Variants in ST18 observed in about 807,000 individuals in gnomAD.
ST18 encodes suppression of tumorigenicity 18 protein.
ST18 carries 50 observed loss-of-function variants against 110.0 expected under a neutral mutation model. That is an observed-to-expected ratio of 0.45 (90% CI 0.36 to 0.58). The LOEUF (loss-of-function observed/expected upper bound fraction) is 0.58. Among genes scored for constraint, ST18 ranks in the 20% least tolerant of loss-of-function variants. The pLI, the probability that ST18 is intolerant of heterozygous loss-of-function variation, is 0.00. For synonymous variants in ST18, 461 were observed against 452.4 expected (o/e 1.02, Z -0.24); for missense variants, 1,306 against 1,280.1 (o/e 1.02, Z -0.31).
chr8:52,250,445 CAAAAAAAAA>C (rs1159770176), intron 2 of ST18, among the ~76,000 whole-genome samples: 6 of 4,270 alleles, frequency 1.4e-3, no homozygotes, highest in Admixed American at 4.0e-3. Flanking sequence ...GCCTCAAAGG[CAAAAAAAAA>C]AAAAAAAAAA....
chr8:52,267,859 C>A (rs1385271210), intron 2 of ST18, among the ~76,000 whole-genome samples: 2 of 152,188 alleles, frequency 1.3e-5, no homozygotes, highest in Admixed American at 6.5e-5. Flanking sequence ...TAGACACATT[C>A]TTTCTGGGAA....
At chr8:52,274,535 C>T (rs925638732) in intron 2 of ST18, among the ~76,000 whole-genome samples, 17 of 141,014 alleles carry the variant, frequency 1.2e-4, no homozygotes, top group Admixed American at 3.4e-4. Flanking sequence ...TTCTTTTTTT[C>T]GTTCTGTCAA....
rs150537342 is a variant in ST18 at position 52,314,469 on chromosome 8, G to A, written c.-464-84392C>T. ...AAGACATTACTGTACCTGTCCCCTTGAGAGTCATCAAAGGCACTTGCCTTA... is the reference window on the plus strand; with the variant it reads ...AAGACATTACTGTACCTGTCCCCTTAAGAGTCATCAAAGGCACTTGCCTTA... On this transcript the variant is annotated intron_variant, in intron 2 of 25. Coordinates refer to ENST00000689386, the MANE Select transcript of ST18 (RefSeq NM_001352837.2). Among the ~76,000 whole-genome samples, 917 of 152,312 alleles carry A rather than the reference G, an allele frequency of 6.0e-3. 7 individuals are homozygous for A. The highest frequency in any genetic ancestry group is 0.021 in the African/African-American group (869 of 41,566).
chr8:52,402,141 T>C (rs1590743439), intron 2 of ST18, among the ~76,000 whole-genome samples: 1 of 151,942 alleles, frequency 6.6e-6, no homozygotes, highest in African/African-American at 2.4e-5. Context: ...TTTGTTAGGG[T>C]TCTTGGCAGC....
At chr8:52,225,907 A>G (rs1262587378) in intron 3 of ST18, among the ~76,000 whole-genome samples, 1 of 152,256 alleles carries the variant, frequency 6.6e-6, no homozygotes, top group African/African-American at 2.4e-5. Context: ...AATCATAGCT[A>G]ATGCAAAAAA....
chr8:52,224,611 T>C (rs944091473), intron 3 of ST18, among the ~76,000 whole-genome samples: 1 of 152,184 alleles, frequency 6.6e-6, no homozygotes, highest in African/African-American at 2.4e-5. Context: ...CTGGAACCAC[T>C]CTGCAGGAAA....
chr8:52,130,119 A>AAGAAAGAAAGAAAG (rs1554585622), intron 22 of ST18, among the ~76,000 whole-genome samples: 16 of 105,164 alleles, frequency 1.5e-4, no homozygotes, highest in African/African-American at 6.6e-4. Context: ...AGAAAGAAAG[A>AAGAAAGAAAGAAAG]AAAGAAAGAA....
intron 2 of ST18, among the ~76,000 whole-genome samples, chr8:52,253,091 T>C (rs1020736411): frequency 1.3e-5 from 2 of 151,934 alleles, no homozygotes; most frequent in Non-Finnish European, 2.9e-5. Flanking sequence ...TGAGAGTTGA[T>C]AGAACTTTTT....
intron 2 of ST18, among the ~76,000 whole-genome samples, chr8:52,291,700 T>G (rs1175382761): frequency 1.3e-5 from 2 of 152,182 alleles, no homozygotes; most frequent in Non-Finnish European, 2.9e-5. Context: ...AGATGTGATT[T>G]CCATTATTTT....
rs371159990 is a variant in ST18, at chr8:52,134,933, G to GA, written c.2301-1633dup. ...CTTGTATGGAAAAAACATATCTATG[G>GA]AAAAAACCAAAGACATTACTTATTA... On this transcript the variant is annotated intron_variant, in intron 19 of 25. Transcript: ENST00000689386. Among the ~76,000 whole-genome samples, 574 of 151,964 alleles carry GA rather than the reference G, an allele frequency of 3.8e-3. 1 individual carries two copies. The highest frequency in any genetic ancestry group is 0.02 in the Middle Eastern group (6 of 294).
In ST18 at chr8:52,388,598, A is replaced by G. The variant is rs533338860; in HGVS notation, c.-465+20730T>C. Reference sequence around the variant, plus strand: ...TCAGCCCCAGGGTGCTTGTTGAGTGATTTCGCACGGCGCACGATGGCGTAA... The same window carrying G: ...TCAGCCCCAGGGTGCTTGTTGAGTGGTTTCGCACGGCGCACGATGGCGTAA... On this transcript the variant is annotated intron_variant, in intron 2 of 25. Coordinates refer to ENST00000689386, the MANE Select transcript of ST18 (RefSeq NM_001352837.2). 1.1e-4 allele frequency among the ~76,000 whole-genome samples: 17 copies of G among 152,144 alleles called. No individual in the cohort carries two copies. The South Asian group carries it at 3.5e-3, about 32-fold the overall frequency.
rs141222819 is a variant in ST18, at chr8:52,319,186, G to A, written c.-464-89109C>T. Among the ~76,000 whole-genome samples, 286 of 152,182 alleles carry A rather than the reference G, an allele frequency of 1.9e-3. 4 individuals carry two copies. The highest frequency in any genetic ancestry group is 6.4e-3 in the African/African-American group (266 of 41,532). ...TGGCCTGTAATTTTTTTTATTTGTG[G>A]AAACTTTCAGTTCAGGAGAATATGA... is the stretch of plus-strand genomic sequence containing the variant. On this transcript the variant is annotated intron_variant, in intron 2 of 25. Transcript: ENST00000689386.
At chr8:52,195,505 A>C (rs1342958457) in intron 8 of ST18, among the ~76,000 whole-genome samples, 5 of 152,134 alleles carry the variant, frequency 3.3e-5, no homozygotes, top group Non-Finnish European at 5.9e-5. Flanking sequence ...AAGAAAGATA[A>C]AAATAAAATT....
chr8:52,190,131 G>A (rs960461682), intron 8 of ST18, among the ~76,000 whole-genome samples: 2 of 152,142 alleles, frequency 1.3e-5, no homozygotes, highest in African/African-American at 4.8e-5. Context: ...TGTGACAGGT[G>A]CATTCAAAAC....
intron 2 of ST18, among the ~76,000 whole-genome samples, chr8:52,256,951 AC>A (rs1208945251): frequency 1.3e-5 from 2 of 152,084 alleles, no homozygotes; most frequent in Non-Finnish European, 2.9e-5. Flanking sequence ...CATTCACCAA[AC>A]TTCCACCCAC....
At chr8:52,232,276 GC>G (rs2091628736) in intron 2 of ST18, among the ~76,000 whole-genome samples, 1 of 152,140 alleles carries the variant, frequency 6.6e-6, no homozygotes, top group Non-Finnish European at 1.5e-5. Flanking sequence ...TTCAGATGAA[GC>G]CATTCGTGTC....
chr8:52,126,994 G>T (rs2047342335), intron 22 of ST18, among the ~76,000 whole-genome samples: 1 of 152,150 alleles, frequency 6.6e-6, no homozygotes, highest in East Asian at 1.9e-4. Context: ...CAATCTTGCT[G>T]TGTTTTCGTA....
chr8:52,137,602 A>G, intron 17 of ST18, 119 bp from the exon 18 acceptor site: 2 of 891,428 alleles, frequency 2.2e-6, no homozygotes, highest in Admixed American at 2.5e-5. Context: ...ACAGTATAGG[A>G]CATGCAGAAG....
chr8:52,202,822 A>G (rs1473898576), intron 8 of ST18, among the ~76,000 whole-genome samples: 2 of 152,230 alleles, frequency 1.3e-5, no homozygotes, highest in African/African-American at 2.4e-5. Flanking sequence ...AGAAAATAGG[A>G]TGGCGATGAT....
Sources: allele counts gnomAD v4.1 joint callset (sites outside exome capture counted in the v4.1 genomes callset), GRCh38; gene constraint gnomAD v4.1.1; transcripts MANE v1.5; gene names NCBI Gene and HGNC (gene_info 2026-07-23, HGNC 2026-07-21).